The following PHACTR1 variants were observed in gnomAD, a reference collection of about 807,000 sequenced individuals.
PHACTR1 encodes the protein RPEL repeat containing 1.
In PHACTR1, 16 loss-of-function variants were observed where a neutral mutation model predicts 69.2. The ratio of observed to expected loss-of-function variants is 0.23; its 90% CI spans 0.16 to 0.35. PHACTR1 has a LOEUF of 0.35. PHACTR1 is among the 10% of genes least tolerant of loss of function. PHACTR1 has a pLI of 1.00. For missense variants in PHACTR1, 510 were observed against 734.7 expected (o/e 0.69, Z 3.54); for synonymous variants, 312 against 284.5 (o/e 1.10, Z -0.97).
intron 10 of PHACTR1, among the ~76,000 whole-genome samples, chr6:13,233,149 A>T (rs977373051): frequency 2.0e-5 from 3 of 152,210 alleles, no homozygotes; most frequent in African/African-American, 4.8e-5. Context: ...ACTCCTAAAA[A>T]GGGAGACAAT....
intron 10 of PHACTR1, among the ~76,000 whole-genome samples, chr6:13,271,254 A>C (rs1476718574): frequency 6.6e-6 from 1 of 152,178 alleles, no homozygotes. Context: ...ACTGTCAAGA[A>C]GCTAGGACCA....
intron 4 of PHACTR1, among the ~76,000 whole-genome samples, chr6:13,024,326 G>T (rs1265832114): frequency 6.6e-6 from 1 of 152,114 alleles, no homozygotes; most frequent in Non-Finnish European, 1.5e-5. Flanking sequence ...TCTGTTTATG[G>T]GCAACTGTTT....
rs965684264 is a variant in PHACTR1, at chr6:13,275,064, T to C, written c.1447+2149T>C. ...AGTGGTATAAGAAAACATCCTCCAA[T>C]AGTTTGTTTTAAAACTGATTTTCTG... On this transcript the variant is annotated intron_variant, in intron 11 of 14. Transcript: ENST00000332995. This position sits in a 1 kb window ranked among gnomAD's most constrained non-coding sequence, Gnocchi z 4.0. 5.3e-5 allele frequency: 8 copies of C among 152,236 alleles called. No individual in the cohort carries two copies. The highest frequency in any genetic ancestry group is 1.9e-4 in the African/African-American group (8 of 41,464). 9.4% of individuals were successfully genotyped at this position (152,236 alleles called of 1,614,324 possible).
In PHACTR1 at chr6:13,284,404, CT is replaced by C. The variant is rs1781012784; in HGVS notation, c.1650+843del. 3.3e-5 allele frequency among the ~76,000 whole-genome samples: 5 copies of C among 150,274 alleles called. No individual in the cohort carries two copies. The South Asian group carries it at 1.1e-3, about 32-fold the overall frequency. ...TGATGGCACACACCTGTAATCCCAG[CT>C]GCTCGGGAGGCTGAGGCAGGAGAAT... is the stretch of plus-strand genomic sequence containing the variant. On this transcript the variant is annotated intron_variant, in intron 13 of 14. Coordinates refer to ENST00000332995, the MANE Select transcript of PHACTR1 (RefSeq NM_030948.6).
At chr6:13,020,482 C>T (rs1227438692) in intron 4 of PHACTR1, among the ~76,000 whole-genome samples, 21 of 152,144 alleles carry the variant, frequency 1.4e-4, no homozygotes, top group Admixed American at 1.4e-3. Flanking sequence ...ATGTCATGGA[C>T]ACGTAGGTGG....
chr6:12,718,649 C>T (rs964421841), intron 2 of PHACTR1, 50 bp from the exon 3 acceptor site: 2 of 551,320 alleles, frequency 3.6e-6, no homozygotes, highest in African/African-American at 1.9e-5. Context: ...TATATATACA[C>T]TTTATACTTG....
chr6:13,112,245 A>G (rs774213536), intron 5 of PHACTR1, among the ~76,000 whole-genome samples: 2 of 152,192 alleles, frequency 1.3e-5, no homozygotes, highest in African/African-American at 2.4e-5. Flanking sequence ...TCCATGGTAT[A>G]TATGTACCAC....
intron 4 of PHACTR1, among the ~76,000 whole-genome samples, chr6:12,979,904 A>T (rs1037826894): frequency 6.6e-6 from 1 of 152,166 alleles, no homozygotes; most frequent in Non-Finnish European, 1.5e-5. Flanking sequence ...GGAATGACTG[A>T]TTTAAGAAGA....
chr6:12,901,453 G>C (rs537695004), intron 4 of PHACTR1, among the ~76,000 whole-genome samples: 1 of 152,262 alleles, frequency 6.6e-6, no homozygotes, highest in East Asian at 1.9e-4. Context: ...AGGAAAGAGG[G>C]AGGGAGAGAG....
At chr6:12,969,506 C>T (rs1013293055) in intron 4 of PHACTR1, among the ~76,000 whole-genome samples, 1 of 152,132 alleles carries the variant, frequency 6.6e-6, no homozygotes. Flanking sequence ...TTTCAGGAGG[C>T]CAAGGTAGGA....
chr6:12,860,825 C>T (rs187606542), intron 4 of PHACTR1, among the ~76,000 whole-genome samples: 312 of 152,290 alleles, frequency 2.0e-3, no homozygotes, highest in Non-Finnish European at 3.2e-3. Flanking sequence ...ATATAAGAAG[C>T]ATATCTTAAG....
chr6:13,021,278 T>C (rs530806409), intron 4 of PHACTR1, among the ~76,000 whole-genome samples: 1 of 152,374 alleles, frequency 6.6e-6, no homozygotes, highest in East Asian at 1.9e-4. Context: ...TTATATATGG[T>C]AGCCATGCAA....
At chr6:13,068,159 C>G (rs1373255548) in intron 5 of PHACTR1, among the ~76,000 whole-genome samples, 3 of 152,044 alleles carry the variant, frequency 2.0e-5, no homozygotes, top group African/African-American at 7.2e-5. Context: ...TCTACTAAAA[C>G]TAGAAAAATT....
intron 5 of PHACTR1, among the ~76,000 whole-genome samples, chr6:13,064,327 CTT>C (rs1357753117): frequency 6.6e-6 from 1 of 151,502 alleles, no homozygotes; most frequent in Non-Finnish European, 1.5e-5. Flanking sequence ...AAAAACCACT[CTT>C]GGATTTCTCA....
intron 4 of PHACTR1, among the ~76,000 whole-genome samples, chr6:12,786,932 A>G (rs971065777): frequency 6.6e-6 from 1 of 152,230 alleles, no homozygotes; most frequent in Non-Finnish European, 1.5e-5. Flanking sequence ...CCTACCTTCT[A>G]TTACTGAGGG....
At chr6:12,996,674 A>G (rs1314389945) in intron 4 of PHACTR1, among the ~76,000 whole-genome samples, 1 of 152,220 alleles carries the variant, frequency 6.6e-6, no homozygotes, top group Non-Finnish European at 1.5e-5. Flanking sequence ...TAAACTTTTC[A>G]AGACAATAGA....
At chr6:12,959,176 CAA>C (rs70989814) in intron 4 of PHACTR1, among the ~76,000 whole-genome samples, 248 of 46,252 alleles carry the variant, frequency 5.4e-3, no homozygotes, top group African/African-American at 0.021. Flanking sequence ...GACTTTATCT[CAA>C]AAAAAAAAAA....
intron 4 of PHACTR1, among the ~76,000 whole-genome samples, chr6:13,012,547 C>T (rs1420593781): frequency 6.6e-6 from 1 of 152,226 alleles, no homozygotes; most frequent in Non-Finnish European, 1.5e-5. Flanking sequence ...GGAGCAGGTA[C>T]ACCTGGCTGT....
chr6:13,237,914 T>C (rs1429774704), intron 10 of PHACTR1, among the ~76,000 whole-genome samples: 1 of 152,202 alleles, frequency 6.6e-6, no homozygotes, highest in African/African-American at 2.4e-5. Flanking sequence ...AAAAATACAG[T>C]ATTATAATAT....
Sources: allele counts gnomAD v4.1 joint callset (sites outside exome capture counted in the v4.1 genomes callset), GRCh38; gene constraint gnomAD v4.1.1; non-coding constraint Gnocchi (gnomAD v3.1); transcripts MANE v1.5; gene names NCBI Gene and HGNC (gene_info 2026-07-23, HGNC 2026-07-21).